The following ABHD12 variants were observed in gnomAD, a reference collection of about 807,000 sequenced individuals.
ABHD12 encodes abhydrolase domain containing 12, lysophospholipase.
Under a neutral mutation model 58.3 loss-of-function variants are expected in ABHD12, and 43 were observed. The observed-to-expected ratio is 0.74, with a 90% CI of 0.58 to 0.95. The LOEUF (loss-of-function observed/expected upper bound fraction) is 0.95. Ranked by LOEUF, ABHD12 falls within the 40% of genes least tolerant of loss-of-function variation. ABHD12 has a pLI of 0.00. For synonymous variants in ABHD12, 219 were observed against 211.2 expected (o/e 1.04, Z -0.32); for missense variants, 539 against 537.2 (o/e 1.00, Z -0.03).
At chr20:25,359,247 C>T (rs924418391) in intron 1 of ABHD12, among the ~76,000 whole-genome samples, 13 of 150,950 alleles carry the variant, frequency 8.6e-5, no homozygotes, top group Non-Finnish European at 1.6e-4. Flanking sequence ...CGGTGAAACC[C>T]CGTCTCTACT....
intron 6 of ABHD12, among the ~76,000 whole-genome samples, chr20:25,312,324 G>A (rs1264143686): frequency 1.3e-5 from 2 of 152,128 alleles, no homozygotes; most frequent in Non-Finnish European, 2.9e-5. Context: ...GATTGCAGCA[G>A]CGCGCTGCCA....
At chr20:25,305,509 C>T (rs909672308) in intron 10 of ABHD12, among the ~76,000 whole-genome samples, 4 of 151,840 alleles carry the variant, frequency 2.6e-5, no homozygotes, top group East Asian at 2.0e-4. Flanking sequence ...ACTACAGGCA[C>T]GAGCCACCAC....
intron 1 of ABHD12, among the ~76,000 whole-genome samples, chr20:25,389,041 G>A (rs2090134353): frequency 6.6e-6 from 1 of 152,022 alleles, no homozygotes; most frequent in African/African-American, 2.4e-5. Flanking sequence ...CCTGACCTCT[G>A]ATAATCTGCC....
chr20:25,312,524 C>T (rs1246003160), intron 6 of ABHD12, among the ~76,000 whole-genome samples: 2 of 152,206 alleles, frequency 1.3e-5, no homozygotes, highest in Non-Finnish European at 2.9e-5. Flanking sequence ...GATCTCGGCT[C>T]ACTACAACCT....
At chr20:25,375,062 CTA>C (rs1260389928) in intron 1 of ABHD12, among the ~76,000 whole-genome samples, 2 of 152,180 alleles carry the variant, frequency 1.3e-5, no homozygotes, top group Admixed American at 1.3e-4. Context: ...CCCTAATCCA[CTA>C]TGACTCAGCT....
intron 1 of ABHD12, 105 bp downstream of exon 1, chr20:25,390,408 G>T: frequency 8.7e-7 from 1 of 1,147,880 alleles, no homozygotes; most frequent in Non-Finnish European, 1.1e-6. Context: ...CGGGCGGACG[G>T]CCACTCTGGG....
At chr20:25,309,658 G>A in intron 6 of ABHD12, 83 bp from the exon 7 acceptor site, 1 of 1,591,348 alleles carries the variant, frequency 6.3e-7, no homozygotes, top group Non-Finnish European at 8.6e-7. Context: ...GGGGGCCCAG[G>A]GCCAGGAGGA....
chr20:25,361,923 C>G, intron 1 of ABHD12, among the ~76,000 whole-genome samples: 1 of 152,062 alleles, frequency 6.6e-6, no homozygotes, highest in Non-Finnish European at 1.5e-5. Flanking sequence ...CCACTGCACT[C>G]CAGCCTGGGG....
At chr20:25,360,997 T>C (rs113083279) in intron 1 of ABHD12, among the ~76,000 whole-genome samples, 2,276 of 152,310 alleles carry the variant, frequency 0.015, 51 homozygotes, top group African/African-American at 0.046. Context: ...TAGAAAACAG[T>C]GTGGAGAACC....
chr20:25,387,904 G>T (rs146702357), intron 1 of ABHD12, among the ~76,000 whole-genome samples: 1 of 151,852 alleles, frequency 6.6e-6, no homozygotes, highest in Non-Finnish European at 1.5e-5. Flanking sequence ...AGCCAGGCAC[G>T]GTGACGGGCG....
At chr20:25,356,761 C>T (rs563903007) in intron 1 of ABHD12, among the ~76,000 whole-genome samples, 21 of 152,184 alleles carry the variant, frequency 1.4e-4, no homozygotes, top group Middle Eastern at 3.4e-3. Flanking sequence ...TGGAATCTGC[C>T]CTAATGGGCT....
intron 1 of ABHD12, among the ~76,000 whole-genome samples, chr20:25,359,582 T>C (rs1406498441): frequency 6.6e-6 from 1 of 152,038 alleles, no homozygotes; most frequent in Non-Finnish European, 1.5e-5. Flanking sequence ...TAGGTGGGGG[T>C]AAGCAGGGAA....
At chr20:25,319,559 C>T (rs372283299) in intron 4 of ABHD12, among the ~76,000 whole-genome samples, 1 of 152,198 alleles carries the variant, frequency 6.6e-6, no homozygotes, top group African/African-American at 2.4e-5. Context: ...TCCGGCTTCA[C>T]CTGTCTGCCA....
chr20:25,356,977 G>A (rs1330432555), intron 1 of ABHD12, among the ~76,000 whole-genome samples: 2 of 152,104 alleles, frequency 1.3e-5, no homozygotes, highest in Non-Finnish European at 2.9e-5. Flanking sequence ...CTCTACAAAT[G>A]AACAAAGAAA....
At chr20:25,342,867 T>A in intron 1 of ABHD12, among the ~76,000 whole-genome samples, 1 of 150,958 alleles carries the variant, frequency 6.6e-6, no homozygotes, top group African/African-American at 2.4e-5. Flanking sequence ...GGGTTATAGG[T>A]GTGAGCCACA....
At chr20:25,368,245 G>A in intron 1 of ABHD12, 1 of 1,471,428 alleles carries the variant, frequency 6.8e-7, no homozygotes, top group Non-Finnish European at 9.4e-7. Context: ...GAATGGTCTG[G>A]TGGTTAAGAT....
At chr20:25,349,681 G>A (rs745979681) in intron 1 of ABHD12, among the ~76,000 whole-genome samples, 1 of 152,196 alleles carries the variant, frequency 6.6e-6, no homozygotes, top group Non-Finnish European at 1.5e-5. Flanking sequence ...TTTATGTGAT[G>A]TACCTAGAAT....
intron 1 of ABHD12, among the ~76,000 whole-genome samples, chr20:25,341,775 G>A (rs1490037474): frequency 6.6e-6 from 1 of 152,086 alleles, no homozygotes; most frequent in Non-Finnish European, 1.5e-5. Context: ...TGAGAGGCGG[G>A]AAGAGGACCA....
chr20:25,369,140 C>T (rs1429175905), intron 1 of ABHD12, among the ~76,000 whole-genome samples: 1 of 151,984 alleles, frequency 6.6e-6, no homozygotes, highest in East Asian at 1.9e-4. Context: ...AAAAAATTAG[C>T]CATCCTAATT....
Sources: gnomAD v4.1 joint callset for allele counts (sites outside exome capture counted in the v4.1 genomes callset) on GRCh38, gnomAD v4.1.1 for gene constraint, MANE v1.5 for transcripts, NCBI Gene and HGNC (gene_info 2026-07-23, HGNC 2026-07-21) for gene names.